PMF1: variants seen among roughly 807,000 people sequenced by gnomAD.
PMF1 encodes polyamine modulated factor 1, also known as polyamine-modulated factor 1.
In PMF1, 21 loss-of-function variants were observed where a neutral mutation model predicts 26.7. The ratio of observed to expected loss-of-function variants is 0.79; its 90% CI spans 0.56 to 1.13. PMF1 has a LOEUF of 1.13. Among genes scored for constraint, PMF1 ranks in the 50% most tolerant of loss-of-function variants. The pLI is 0.00. For synonymous variants in PMF1, 105 were observed against 101.0 expected (o/e 1.04, Z -0.24); for missense variants, 266 against 254.9 (o/e 1.04, Z -0.30).
intron 1 of PMF1, among the ~76,000 whole-genome samples, chr1:156,227,212 A>T (rs1443759592): frequency 2.6e-5 from 4 of 151,742 alleles, no homozygotes; most frequent in Non-Finnish European, 5.9e-5. Context: ...TGAATTAAAA[A>T]TTTTTTTTTG....
At chr1:156,236,615 G>A in intron 4 of PMF1, 132 bp downstream of exon 4, 1 of 1,212,366 alleles carries the variant, frequency 8.2e-7, no homozygotes, top group Admixed American at 2.7e-5. Flanking sequence ...CTGGGGAACA[G>A]TCATGAATTA....
At chr1:156,218,415 C>T (rs1657896201) in intron 1 of PMF1, among the ~76,000 whole-genome samples, 1 of 152,162 alleles carries the variant, frequency 6.6e-6, no homozygotes, top group Admixed American at 6.5e-5. Flanking sequence ...CCTGCAGACC[C>T]TTCATGAACT....
At chr1:156,230,335 T>G (rs980887037) in intron 1 of PMF1, among the ~76,000 whole-genome samples, 1 of 152,256 alleles carries the variant, frequency 6.6e-6, no homozygotes, top group East Asian at 1.9e-4. Flanking sequence ...TTAAAGAAGA[T>G]CGTTGATACA....
intron 1 of PMF1, among the ~76,000 whole-genome samples, chr1:156,216,520 C>T (rs1657713715): frequency 6.6e-6 from 1 of 152,292 alleles, no homozygotes; most frequent in Admixed American, 6.5e-5. Context: ...CTACCGGTGA[C>T]CCGGCTAGCC....
chr1:156,219,495 C>T (rs2758596), intron 1 of PMF1, among the ~76,000 whole-genome samples: 11,708 of 152,184 alleles, frequency 0.077, 521 homozygotes, highest in East Asian at 0.14. Context: ...CCTGCCCCAC[C>T]GATCTGCCTG....
Sources: allele counts gnomAD v4.1 joint callset (sites outside exome capture counted in the v4.1 genomes callset), GRCh38; gene constraint gnomAD v4.1.1; transcripts MANE v1.5; gene names NCBI Gene and HGNC (gene_info 2026-07-23, HGNC 2026-07-21).